The following AMMECR1 variants were observed in gnomAD, a reference collection of about 807,000 sequenced individuals.
AMMECR1 encodes nuclear protein AMMECR1.
A neutral mutation model predicts 22.5 loss-of-function variants in AMMECR1; 3 were observed. That is an observed-to-expected ratio of 0.13 (90% CI 0.06 to 0.35). The LOEUF (loss-of-function observed/expected upper bound fraction) is 0.35. AMMECR1 is among the 10% of genes least tolerant of loss of function. AMMECR1 has a pLI of 1.00. For missense variants in AMMECR1, 235 were observed against 278.7 expected (o/e 0.84, Z 1.12); for synonymous variants, 130 against 116.7 (o/e 1.11, Z -0.74).
At chrX:110,372,120 GC>G (rs1383065041) in intron 2 of AMMECR1, among the ~76,000 whole-genome samples, 1 of 111,539 alleles carries the variant, frequency 9.0e-6, no homozygotes, top group Non-Finnish European at 1.9e-5. Flanking sequence ...AACATTTCTT[GC>G]AACACTCTGT....
At chrX:110,205,095 C>T (rs1280841633) in intron 3 of AMMECR1, among the ~76,000 whole-genome samples, 1 of 111,523 alleles carries the variant, frequency 9.0e-6, no homozygotes, top group Non-Finnish European at 1.9e-5. Flanking sequence ...TTTTTTTCAG[C>T]TAGTAGAATT....
At chrX:110,213,618 A>C (rs1344689105) in intron 3 of AMMECR1, among the ~76,000 whole-genome samples, 1 of 112,264 alleles carries the variant, frequency 8.9e-6, no homozygotes, top group Non-Finnish European at 1.9e-5. Flanking sequence ...GTATATACCT[A>C]GAAGTGAAAT....
intron 2 of AMMECR1, among the ~76,000 whole-genome samples, chrX:110,393,795 G>A (rs1202516538): frequency 8.9e-6 from 1 of 112,801 alleles, no homozygotes. Context: ...CCTGACCAGG[G>A]TGGTTCCCAC....
At chrX:110,230,867 G>A (rs772708761) in intron 2 of AMMECR1, among the ~76,000 whole-genome samples, 15 of 112,000 alleles carry the variant, frequency 1.3e-4, no homozygotes, top group Admixed American at 2.8e-4. Context: ...ACCATGGCAC[G>A]AGAACTTCGT....
At chrX:110,311,187 G>C (rs1414864511) in intron 1 of AMMECR1, among the ~76,000 whole-genome samples, 3 of 111,479 alleles carry the variant, frequency 2.7e-5, no homozygotes, top group African/African-American at 9.8e-5. Context: ...AACCAAGTAA[G>C]ACTTCAAGAT....
intron 2 of AMMECR1, among the ~76,000 whole-genome samples, chrX:110,330,240 C>CA (rs200827252): frequency 9.1e-5 from 10 of 110,485 alleles, no homozygotes; most frequent in South Asian, 4.0e-4. Context: ...TACTTCACGA[C>CA]AAAAAAAACG....
chrX:110,261,834 G>A (rs1039760898), intron 2 of AMMECR1, among the ~76,000 whole-genome samples: 4 of 111,121 alleles, frequency 3.6e-5, no homozygotes, highest in African/African-American at 1.3e-4. Context: ...ATTTTGCCTC[G>A]GTTAGGGGAT....
intron 5 of AMMECR1, among the ~76,000 whole-genome samples, chrX:110,200,451 G>A (rs950341019): frequency 3.6e-5 from 4 of 111,768 alleles, no homozygotes; most frequent in Admixed American, 9.5e-5. Context: ...TAAAATGTAC[G>A]GTATTTTCCT....
chrX:110,209,139 C>A (rs1208805986), intron 3 of AMMECR1, among the ~76,000 whole-genome samples: 1 of 111,058 alleles, frequency 9.0e-6, no homozygotes, highest in African/African-American at 3.3e-5. Flanking sequence ...AGCAAACATG[C>A]CTAATATGAA....
Position 110,279,858 on chromosome X carries a change from T to C in AMMECR1, c.474-15259A>G, listed in dbSNP as rs770432604. Among the ~76,000 whole-genome samples the C allele has an allele frequency of 3.7e-3, 417 of 112,032 alleles. 2 individuals carry two copies. Among genetic ancestry groups the C allele is most frequent in the African/African-American group, 0.013 (402 of 30,950 alleles). On this transcript the variant is annotated intron_variant, in intron 1 of 5. Coordinates refer to ENST00000262844, the MANE Select transcript of AMMECR1 (RefSeq NM_015365.3). ...ATTGCTGAAAACTTTTTGAAATAAT[T>C]TCAAAGCATATAAGAAAAACTAATT...
intron 1 of AMMECR1, among the ~76,000 whole-genome samples, chrX:110,272,955 T>C (rs1399620682): frequency 8.9e-6 from 1 of 112,167 alleles, no homozygotes; most frequent in Non-Finnish European, 1.9e-5. Flanking sequence ...CTATTGTGAA[T>C]AGTGCTGCGA....
At chrX:110,247,778 T>C (rs2067666536) in intron 2 of AMMECR1, among the ~76,000 whole-genome samples, 1 of 111,812 alleles carries the variant, frequency 8.9e-6, no homozygotes, top group African/African-American at 3.3e-5. Context: ...AATTCATTAA[T>C]TTCATTATTA....
At chrX:110,389,565 A>AT (rs1297333396) in intron 2 of AMMECR1, among the ~76,000 whole-genome samples, 2 of 111,746 alleles carry the variant, frequency 1.8e-5, no homozygotes, top group East Asian at 5.6e-4. Context: ...CACACAATCA[A>AT]TTTTTTTAAA....
intron 5 of AMMECR1, among the ~76,000 whole-genome samples, chrX:110,199,159 CACT>C (rs1419599161): frequency 3.6e-5 from 4 of 111,623 alleles, no homozygotes; most frequent in Non-Finnish European, 7.5e-5. Flanking sequence ...CCCCATCTCA[CACT>C]ACTACTCAGC....
At chrX:110,330,790 C>T (rs1602903357) in intron 2 of AMMECR1, among the ~76,000 whole-genome samples, 1 of 111,578 alleles carries the variant, frequency 9.0e-6, no homozygotes, top group Non-Finnish European at 1.9e-5. Context: ...CTCTCACTCT[C>T]CATAGACATT....
Position 110,204,553 on chromosome X carries a change from T to C in AMMECR1, c.700-2017A>G, listed in dbSNP as rs1294597198. On this transcript the variant is annotated intron_variant, in intron 3 of 5. Transcript: ENST00000262844. ...TCTAATTGAACTAGATAACCTCTAA[T>C]AAGCATTCTAGTTCTGACAAACTGT... 3.6e-5 allele frequency among the ~76,000 whole-genome samples: 4 copies of C among 111,731 alleles called. No homozygotes were observed. The Admixed American group carries it at 3.8e-4, about 11-fold the overall frequency.
At chrX:110,428,922 C>T (rs1371933662) in intron 1 of AMMECR1, among the ~76,000 whole-genome samples, 3 of 112,420 alleles carry the variant, frequency 2.7e-5, no homozygotes, top group African/African-American at 6.5e-5. Flanking sequence ...TCCGATGCGA[C>T]GGCACAGGTC....
chrX:110,379,062 A>G (rs2068399689), intron 2 of AMMECR1, among the ~76,000 whole-genome samples: 1 of 111,707 alleles, frequency 9.0e-6, no homozygotes, highest in Admixed American at 9.5e-5. Flanking sequence ...TACTCAAATA[A>G]AGTTTGGAGA....
At chrX:110,267,881 A>G (rs2067778076) in intron 1 of AMMECR1, among the ~76,000 whole-genome samples, 1 of 112,004 alleles carries the variant, frequency 8.9e-6, no homozygotes, top group African/African-American at 3.2e-5. Flanking sequence ...GGGCACTCAA[A>G]CATAAGATGG....
Sources: gnomAD v4.1 joint callset for allele counts (sites outside exome capture counted in the v4.1 genomes callset) on GRCh38, gnomAD v4.1.1 for gene constraint, MANE v1.5 for transcripts, NCBI Gene and HGNC (gene_info 2026-07-23, HGNC 2026-07-21) for gene names.